ECE1: variants seen among roughly 807,000 people sequenced by gnomAD.
ECE1 encodes endothelin-converting enzyme 1.
Under a neutral mutation model 98.6 loss-of-function variants are expected in ECE1, and 35 were observed. The ratio of observed to expected loss-of-function variants is 0.35; its 90% CI spans 0.27 to 0.47. The LOEUF (loss-of-function observed/expected upper bound fraction) is 0.47. Ranked by LOEUF, ECE1 falls within the 20% of genes least tolerant of loss-of-function variation. The probability of loss-of-function intolerance (pLI) is 1.00; values close to 1 mark genes in which losing one functional copy is unlikely to be tolerated. For missense variants in ECE1, 814 were observed against 1,025.3 expected, an observed-to-expected ratio of 0.79 and a Z score of 2.81; for synonymous variants, 394 against 407.1, an observed-to-expected ratio of 0.97 and a Z score of 0.39.
Position 21,257,553 on chromosome 1 carries a change from TA to T in ECE1, c.799del (p.Tyr267IlefsTer3), listed in dbSNP as rs1246679415. 2 of 1,614,236 alleles carry T rather than the reference TA, an allele frequency of 1.2e-6. No individual in the cohort carries two copies. Among genetic ancestry groups the T allele is most frequent in the Non-Finnish European group, 1.7e-6 (2 of 1,180,034 alleles). ...CTCGTTTTCAGTTTTGTTCAGGTAA[TA>T]GTCTCTCGAGGGCAAGCCCAGGCCA... ...QSGLGLPSRD[Y>X]YLNKTENEKV... On this transcript the variant is annotated frameshift_variant, in exon 7 of 19. Coordinates refer to ENST00000374893, the MANE Select transcript of ECE1 (RefSeq NM_001397.3). LOFTEE classifies it high-confidence loss of function.
Position 21,227,183 on chromosome 1 carries a change from G to A in ECE1, c.1825C>T (p.Leu609=), listed in dbSNP as rs921956839. The A allele has an allele frequency of 1.9e-6, 3 of 1,614,036 alleles. No homozygotes were observed. Among genetic ancestry groups the A allele is most frequent in the Non-Finnish European group, 2.5e-6 (3 of 1,180,008 alleles). ...GGIGVVVGHE[L]THAFDDQGRE... is the part of the protein sequence containing the mutation. ...CCTTGATCATCAAAAGCATGAGTCA[G>A]CTCATGGCCCACGACGACACCTATG... The change falls in exon 16 of 19, where the codon CTG becomes TTG. Residue 609 remains leucine (L), a synonymous_variant. Transcript: ENST00000374893.
upstream of ECE1, among the ~76,000 whole-genome samples, chr1:21,292,514 T>C (rs774362627): frequency 6.6e-6 from 1 of 152,274 alleles, no homozygotes; most frequent in Non-Finnish European, 1.5e-5. Context: ...TACAGCATCC[T>C]GTTTGTTTTC....
At position 21,220,796 on chromosome 1, in the gene ECE1, C is replaced by CA. The variant is rs2098166418; in HGVS notation, c.2137-666dup. Among the ~76,000 whole-genome samples, 1 of 151,630 alleles carries CA rather than the reference C, an allele frequency of 6.6e-6. No homozygotes were observed. Among genetic ancestry groups the CA allele is most frequent in the African/African-American group, 2.4e-5 (1 of 41,246 alleles). On this transcript the variant is annotated intron_variant, in intron 18 of 18. Transcript: ENST00000374893. This position sits in a 1 kb window ranked among gnomAD's most constrained non-coding sequence, Gnocchi z 5.0. ...GGGTGACTGAGGGAGACTCCGGCTC[C>CA]AAAAAAACAAAACCCAGAAAATACA...
intron 1 of ECE1, among the ~76,000 whole-genome samples, chr1:21,342,192 C>A (rs1365840924): frequency 1.3e-5 from 2 of 152,160 alleles, no homozygotes; most frequent in Non-Finnish European, 2.9e-5. Flanking sequence ...TCAGCCCCAG[C>A]TTGGAAAGTG....
rs140633303 is a variant in ECE1 at position 21,317,328 on chromosome 1, T to C, written c.4-27172A>G. On this transcript the variant is annotated intron_variant, in intron 1 of 18. Coordinates refer to the ECE1 transcript ENST00000415912. ...CTCTTCTGAGAATTAAACAAGGTCG[T>C]GTCTGCAAAGGGCCTGGCATCCGGT... Among the ~76,000 whole-genome samples, 765 of 152,316 alleles carry C rather than the reference T, an allele frequency of 5.0e-3. 6 individuals carry two copies. The highest frequency in any genetic ancestry group is 0.017 in the African/African-American group (696 of 41,568).
chr1:21,258,596 C>A lies in ECE1; in HGVS notation c.762+97G>T. The stretch of plus-strand genomic sequence containing the variant: ...GAAACTAGAAGACCGCCGTCCCACC[C>A]AGGGCAAGCCCCTCTCCCACCCCAG... On this transcript the variant is annotated intron_variant, in intron 6 of 18. Transcript: ENST00000374893. This position sits in a 1 kb window ranked among gnomAD's most constrained non-coding sequence, Gnocchi z 4.2. 8.1e-7 allele frequency: 1 copy of A among 1,238,088 alleles called. No homozygotes were observed. The highest frequency in any genetic ancestry group is 1.2e-5 in the South Asian group (1 of 83,420). The allele number at this position is 1,238,088 out of a possible 1,614,324, so 76.7% of individuals were successfully genotyped here. A position where few individuals can be genotyped will look rare whatever the true frequency, so the allele number is the denominator to read the frequency against.
intron 1 of ECE1, among the ~76,000 whole-genome samples, chr1:21,343,629 G>A (rs1043072311): frequency 3.3e-5 from 5 of 152,232 alleles, no homozygotes; most frequent in East Asian, 1.9e-4. Flanking sequence ...TGCAGATGAG[G>A]AAACTGAAAC....
At position 21,322,780 on chromosome 1, in the gene ECE1, TGA is replaced by T. The variant is rs749265670; in HGVS notation, c.3+22594_3+22595del. Among the ~76,000 whole-genome samples, 195 of 152,204 alleles carry T rather than the reference TGA, an allele frequency of 1.3e-3. No individual in the cohort carries two copies. The highest frequency in any genetic ancestry group is 1.9e-3 in the Non-Finnish European group (130 of 68,004). On this transcript the variant is annotated intron_variant, in intron 1 of 18. Transcript: ENST00000415912. This position sits in a 1 kb window ranked among gnomAD's most constrained non-coding sequence, Gnocchi z 4.1. The stretch of plus-strand genomic sequence containing the variant: ...AAGAGGTTCTGATCTAGCACTCTGC[TGA>T]GAGAAAGAAACGGGGAGGCCGGGAA...
intron 1 of ECE1, chr1:21,297,918 G>C (rs954733752): frequency 2.0e-5 from 3 of 151,958 alleles, no homozygotes; most frequent in African/African-American, 7.3e-5. Flanking sequence ...GCTCACTGCA[G>C]CCTCTAAACT....
chr1:21,254,156 G>T (rs561938683), intron 8 of ECE1, among the ~76,000 whole-genome samples: 1 of 152,080 alleles, frequency 6.6e-6, no homozygotes, highest in Admixed American at 6.5e-5. Context: ...CACACAGCTG[G>T]GGTGAGTGAA....
At chr1:21,282,300 A>C (rs1487810802) in intron 2 of ECE1, among the ~76,000 whole-genome samples, 1 of 151,570 alleles carries the variant, frequency 6.6e-6, no homozygotes, top group African/African-American at 2.4e-5. Flanking sequence ...AAAAAAGTAA[A>C]AAAGAGGCCA....
At chr1:21,285,604 C>G (rs1038788968) in intron 2 of ECE1, among the ~76,000 whole-genome samples, 2 of 150,904 alleles carry the variant, frequency 1.3e-5, no homozygotes, top group Non-Finnish European at 2.9e-5. Flanking sequence ...GTGAGAGGAT[C>G]GCTTGAGCCC....
rs1360072717 is a variant in ECE1, at chr1:21,258,382, A to G, written c.762+311T>C. On this transcript the variant is annotated intron_variant, in intron 6 of 18. Transcript: ENST00000374893. The surrounding 1 kb of genome is among the most constrained non-coding windows in gnomAD (Gnocchi z 4.2). ...TCAAACCCATTCCAAGAAGAGTTACAAAGAGCAGACGCTAAGGAGGGGGAA... is the reference window on the plus strand; with the variant it reads ...TCAAACCCATTCCAAGAAGAGTTACGAAGAGCAGACGCTAAGGAGGGGGAA... Among the ~76,000 whole-genome samples the G allele has an allele frequency of 6.6e-6, 1 of 152,220 alleles. No homozygotes were observed. Among genetic ancestry groups the G allele is most frequent in the African/African-American group, 2.4e-5 (1 of 41,464 alleles).
chr1:21,332,080 C>T (rs1427958989), intron 1 of ECE1, among the ~76,000 whole-genome samples: 1 of 152,186 alleles, frequency 6.6e-6, no homozygotes, highest in Non-Finnish European at 1.5e-5. Context: ...AGCCTTACTG[C>T]ACCCTCCCCC....
chr1:21,228,712 C>T (rs1385756693), intron 14 of ECE1, among the ~76,000 whole-genome samples: 1 of 151,798 alleles, frequency 6.6e-6, no homozygotes, highest in Middle Eastern at 3.2e-3. Flanking sequence ...TTGCTTAAAC[C>T]TGGGAGGTGG....
At chr1:21,224,855 T>C (rs2098171805) in intron 17 of ECE1, among the ~76,000 whole-genome samples, 1 of 152,178 alleles carries the variant, frequency 6.6e-6, no homozygotes, top group Non-Finnish European at 1.5e-5. Context: ...AACCGGGACT[T>C]GAACCCAGAA....
intron 3 of ECE1, among the ~76,000 whole-genome samples, 160 bp downstream of exon 3, chr1:21,279,031 G>A (rs1227505011): frequency 6.6e-6 from 1 of 152,078 alleles, no homozygotes; most frequent in East Asian, 1.9e-4. Context: ...CCCACTTCCC[G>A]GGTCTTGGTC....
At chr1:21,313,888 G>A (rs1558428641) in intron 1 of ECE1, among the ~76,000 whole-genome samples, 2 of 152,130 alleles carry the variant, frequency 1.3e-5, no homozygotes, top group Admixed American at 6.6e-5. Flanking sequence ...GGAATGTCCC[G>A]GCTCACGGAG....
intron 1 of ECE1, among the ~76,000 whole-genome samples, chr1:21,315,631 T>C (rs1040382932): frequency 6.6e-6 from 1 of 151,828 alleles, no homozygotes; most frequent in African/African-American, 2.4e-5. Flanking sequence ...CCATCTCTAC[T>C]AAAAATACAA....
Sources: allele counts gnomAD v4.1 joint callset (sites outside exome capture counted in the v4.1 genomes callset), GRCh38; gene constraint gnomAD v4.1.1; non-coding constraint Gnocchi (gnomAD v3.1); transcripts MANE v1.5; gene names NCBI Gene and HGNC (gene_info 2026-07-23, HGNC 2026-07-21).